The following NXPE1 variants were observed in gnomAD, a reference collection of about 807,000 sequenced individuals.
NXPE1 encodes neurexophilin and PC-esterase domain family member 1.
A neutral mutation model predicts 33.3 loss-of-function variants in NXPE1; 31 were observed. The observed-to-expected ratio is 0.93, with a 90% CI of 0.70 to 1.26. The LOEUF (loss-of-function observed/expected upper bound fraction) is 1.26. Among genes scored for constraint, NXPE1 ranks in the 50% most tolerant of loss-of-function variants. NXPE1 has a pLI of 0.00. For synonymous variants in NXPE1, 229 were observed against 231.4 expected (o/e 0.99, Z 0.09); for missense variants, 661 against 655.6 (o/e 1.01, Z -0.09).
At chr11:114,527,673 C>G (rs1390962173) in intron 7 of NXPE1, among the ~76,000 whole-genome samples, 167 bp downstream of exon 7, 1 of 152,156 alleles carries the variant, frequency 6.6e-6, no homozygotes, top group Non-Finnish European at 1.5e-5. Flanking sequence ...CTCCTATAAA[C>G]ATTTTGAAAT....
intron 5 of NXPE1, among the ~76,000 whole-genome samples, chr11:114,531,199 G>A (rs1461482817): frequency 1.3e-5 from 2 of 151,884 alleles, no homozygotes; most frequent in African/African-American, 2.4e-5. Flanking sequence ...CAATATTTTA[G>A]AGAATGTCTG....
At chr11:114,535,281 G>A (rs890303551) in intron 5 of NXPE1, among the ~76,000 whole-genome samples, 1 of 152,090 alleles carries the variant, frequency 6.6e-6, no homozygotes, top group African/African-American at 2.4e-5. Flanking sequence ...CCTGAAGGAA[G>A]CACTAAACAT....
At chr11:114,528,953 A>G (rs1218624082) in intron 6 of NXPE1, 1 of 458,400 alleles carries the variant, frequency 2.2e-6, no homozygotes, top group African/African-American at 1.9e-5. Flanking sequence ...GGGAACAGAA[A>G]CTTAACTGTG....
exon 8 of NXPE1, chr11:114,522,939 A>C (rs755390673): frequency 1.9e-6 from 3 of 1,613,562 alleles, no homozygotes; most frequent in Non-Finnish European, 2.5e-6. Context: ...CCCAGGAGGT[A>C]AATGAGTTTG....
exon 8 of NXPE1, chr11:114,523,030 A>G (rs754780976): frequency 4.4e-5 from 71 of 1,613,700 alleles, no homozygotes; most frequent in Non-Finnish European, 5.6e-5. Flanking sequence ...CTTGTAAAGT[A>G]TAACCACCAG....
chr11:114,522,197 T>C, exon 9 of NXPE1: 1 of 1,614,104 alleles, frequency 6.2e-7, no homozygotes, highest in Non-Finnish European at 8.5e-7. Flanking sequence ...AATAATCACT[T>C]TAGTGGCTGG....
intron 5 of NXPE1, among the ~76,000 whole-genome samples, chr11:114,545,044 TA>T (rs200664376): frequency 2.0e-5 from 3 of 151,244 alleles, no homozygotes; most frequent in African/African-American, 4.9e-5. Context: ...GGCTAAAATT[TA>T]AAAAAAAACC....
chr11:114,541,821 A>T (rs1297066715), intron 5 of NXPE1, among the ~76,000 whole-genome samples: 2 of 152,228 alleles, frequency 1.3e-5, no homozygotes, highest in Non-Finnish European at 2.9e-5. Flanking sequence ...AATTTTACAA[A>T]AGAACCAAAC....
intron 5 of NXPE1, among the ~76,000 whole-genome samples, chr11:114,542,203 C>A (rs974239196): frequency 1.3e-5 from 2 of 151,940 alleles, no homozygotes; most frequent in African/African-American, 4.8e-5. Context: ...TTTTTAACAT[C>A]AATATTTTGT....
intron 5 of NXPE1, among the ~76,000 whole-genome samples, chr11:114,534,715 C>G (rs11215038): frequency 0.16 from 23,637 of 152,000 alleles, 2,009 homozygotes; most frequent in South Asian, 0.23. Flanking sequence ...TGAAATGAAG[C>G]ATGAAGAGAA....
intron 5 of NXPE1, 95 bp from the exon 6 acceptor site, chr11:114,531,003 G>T: frequency 8.0e-7 from 1 of 1,253,996 alleles, no homozygotes. Context: ...GTGAATATTT[G>T]TATAATTGAA....
At chr11:114,521,880 T>C (rs944372298) in exon 9 of NXPE1, 3 of 1,029,838 alleles carry the variant, frequency 2.9e-6, no homozygotes, top group Admixed American at 4.6e-5. Context: ...TTTTCCTTAG[T>C]TCCTAAAATG....
chr11:114,554,501 A>G (rs1262675871), intron 1 of NXPE1: 1 of 497,348 alleles, frequency 2.0e-6, no homozygotes, highest in Non-Finnish European at 2.6e-6. Flanking sequence ...GTATAGAATT[A>G]TAACAAAAGC....
At chr11:114,524,092 GCTCTTGCTGTT>G (rs372145490) in intron 7 of NXPE1, among the ~76,000 whole-genome samples, 128 of 152,270 alleles carry the variant, frequency 8.4e-4, no homozygotes, top group African/African-American at 2.9e-3. Context: ...GTCTAACTTG[GCTCTTGCTGTT>G]CTCACATTAT....
intron 7 of NXPE1, among the ~76,000 whole-genome samples, chr11:114,525,578 C>T (rs988562852): frequency 6.6e-6 from 1 of 152,102 alleles, no homozygotes; most frequent in African/African-American, 2.4e-5. Context: ...TCCCCCCTTA[C>T]TATTCTTAAA....
chr11:114,550,474 A>G (rs1415437231), intron 5 of NXPE1, among the ~76,000 whole-genome samples: 1 of 152,184 alleles, frequency 6.6e-6, no homozygotes, highest in Non-Finnish European at 1.5e-5. Context: ...CAGTGAGGAT[A>G]TAGAATGGAA....
chr11:114,542,457 A>ATT (rs1948131431), intron 5 of NXPE1, among the ~76,000 whole-genome samples: 1 of 152,196 alleles, frequency 6.6e-6, no homozygotes, highest in South Asian at 2.1e-4. Flanking sequence ...TGAATCATAT[A>ATT]TTTATTTACA....
At chr11:114,530,194 C>G in exon 6 of NXPE1, 2 of 1,607,482 alleles carry the variant, frequency 1.2e-6, no homozygotes, top group Non-Finnish European at 1.7e-6. Flanking sequence ...AGGCTGTTTT[C>G]CTTGTCTGTA....
downstream of NXPE1, among the ~76,000 whole-genome samples, chr11:114,519,790 C>A (rs945804848): frequency 6.6e-5 from 10 of 152,092 alleles, no homozygotes; most frequent in African/African-American, 2.4e-4. Flanking sequence ...TTATTGCATA[C>A]ATTTAAGGTA....
Sources: gnomAD v4.1 joint callset for allele counts (sites outside exome capture counted in the v4.1 genomes callset) on GRCh38, gnomAD v4.1.1 for gene constraint, MANE v1.5 for transcripts, NCBI Gene and HGNC (gene_info 2026-07-23, HGNC 2026-07-21) for gene names.